FBLN5: variants seen among roughly 807,000 people sequenced by gnomAD.
The protein encoded by FBLN5 is fibulin 5, also known as fibulin-5.
A neutral mutation model predicts 61.6 loss-of-function variants in FBLN5; 24 were observed. The ratio of observed to expected loss-of-function variants is 0.39; its 90% CI spans 0.28 to 0.55. The LOEUF (loss-of-function observed/expected upper bound fraction) is 0.55, where lower values mean the gene tolerates loss of function less well. Ranked by LOEUF, FBLN5 falls within the 20% of genes least tolerant of loss-of-function variation. FBLN5 has a pLI of 0.65. For missense variants in FBLN5, 470 were observed against 594.1 expected (o/e 0.79, Z 2.17); for synonymous variants, 213 against 219.8 (o/e 0.97, Z 0.27).
chr14:91,918,062 G>C (rs1285041395), intron 4 of FBLN5, among the ~76,000 whole-genome samples: 4 of 152,190 alleles, frequency 2.6e-5, no homozygotes, highest in African/African-American at 9.7e-5. Flanking sequence ...CCATGAACCA[G>C]TTGGGAGTGT....
intron 4 of FBLN5, among the ~76,000 whole-genome samples, chr14:91,920,977 G>C (rs1327603961): frequency 6.6e-6 from 1 of 152,250 alleles, no homozygotes; most frequent in Non-Finnish European, 1.5e-5. Flanking sequence ...CCAAAGGCTA[G>C]TAGGCCTGAG....
intron 10 of FBLN5, among the ~76,000 whole-genome samples, chr14:91,872,670 AT>A (rs1355056740): frequency 6.6e-6 from 1 of 152,076 alleles, no homozygotes; most frequent in Non-Finnish European, 1.5e-5. Context: ...CAGCCACACA[AT>A]TTCCTCTTGG....
intron 4 of FBLN5, among the ~76,000 whole-genome samples, chr14:91,921,605 G>A (rs1219312263): frequency 6.6e-6 from 1 of 152,174 alleles, no homozygotes; most frequent in Non-Finnish European, 1.5e-5. Context: ...GTGTTTGAAG[G>A]CCTCCGGTGG....
intron 1 of FBLN5, among the ~76,000 whole-genome samples, chr14:91,945,215 C>T (rs1265983204): frequency 1.4e-5 from 2 of 145,764 alleles, no homozygotes; most frequent in Middle Eastern, 3.5e-3. Context: ...CGGGAGACAG[C>T]GAGACTCCGT....
At chr14:91,871,853 TAA>T (rs111668602) in intron 10 of FBLN5, among the ~76,000 whole-genome samples, 85 of 132,750 alleles carry the variant, frequency 6.4e-4, no homozygotes, top group Non-Finnish European at 7.1e-4. Context: ...AGACTCCAGC[TAA>T]AAAAAAAAAA....
intron 4 of FBLN5, among the ~76,000 whole-genome samples, chr14:91,921,171 A>G (rs1007639224): frequency 2.0e-5 from 3 of 152,226 alleles, no homozygotes; most frequent in Admixed American, 6.5e-5. Flanking sequence ...CCCAAAATTA[A>G]TAATGACCCT....
At chr14:91,928,474 T>TA (rs1003305250) in intron 4 of FBLN5, among the ~76,000 whole-genome samples, 7 of 152,144 alleles carry the variant, frequency 4.6e-5, no homozygotes, top group South Asian at 4.2e-4. Context: ...TCAAAATATT[T>TA]AAAAAACGAA....
chr14:91,902,261 GTT>G (rs1890483542), intron 4 of FBLN5, among the ~76,000 whole-genome samples: 1 of 142,496 alleles, frequency 7.0e-6, no homozygotes, highest in East Asian at 2.1e-4. Context: ...CTAGACATGG[GTT>G]TTTTTGTTTG....
At chr14:91,888,994 T>G (rs1414136167) in intron 6 of FBLN5, among the ~76,000 whole-genome samples, 2 of 152,216 alleles carry the variant, frequency 1.3e-5, no homozygotes, top group Admixed American at 6.5e-5. Flanking sequence ...GCCTTCACGG[T>G]GAGCAGACTG....
chr14:91,937,043 C>G lies in FBLN5; in HGVS notation c.283G>C (p.Ala95Pro), dbSNP rs778325226. 17 of 1,613,840 alleles carry G rather than the reference C, an allele frequency of 1.1e-5. No individual in the cohort carries two copies. In the South Asian group the frequency reaches 1.8e-4, roughly 17 times the overall value. Residue 95 changes from alanine to proline, a missense_variant, in exon 4 of 11, where the codon GCT (alanine) becomes CCT (proline). By Grantham distance (27) the Ala-to-Pro change is conservative (BLOSUM62 -1). Transcript: ENST00000342058. ...TTTGGAGCTGAGAGTGGTGGGGCAG[C>G]TGCTGGGTACGGACCTGAGTAGGGG... ...STPYSGPYPA[A>P]APPLSAPNYP...
intron 5 of FBLN5, among the ~76,000 whole-genome samples, chr14:91,892,295 G>C (rs1890029339): frequency 6.6e-6 from 1 of 152,272 alleles, no homozygotes; most frequent in South Asian, 2.1e-4. Context: ...GTGACCAGTT[G>C]ATCTGACTGT....
intron 4 of FBLN5, among the ~76,000 whole-genome samples, chr14:91,932,746 A>G (rs1031592856): frequency 5.3e-5 from 8 of 152,232 alleles, no homozygotes; most frequent in Non-Finnish European, 1.2e-4. Flanking sequence ...CCCCGGCAAG[A>G]GTGCAATCAG....
At chr14:91,878,217 A>T (rs182066656) in intron 9 of FBLN5, among the ~76,000 whole-genome samples, 1 of 152,338 alleles carries the variant, frequency 6.6e-6, no homozygotes, top group East Asian at 1.9e-4. Flanking sequence ...AAGAGTTAGA[A>T]CTATGTACAA....
intron 4 of FBLN5, among the ~76,000 whole-genome samples, chr14:91,922,758 C>T (rs1190771044): frequency 6.6e-6 from 1 of 152,160 alleles, no homozygotes; most frequent in East Asian, 1.9e-4. Flanking sequence ...TGTTTTGCTC[C>T]AGCTGCTTGC....
At chr14:91,922,782 G>A (rs1180033950) in intron 4 of FBLN5, among the ~76,000 whole-genome samples, 1 of 152,132 alleles carries the variant, frequency 6.6e-6, no homozygotes, top group African/African-American at 2.4e-5. Flanking sequence ...CTTCCCCCAG[G>A]AATTATAAAG....
At chr14:91,874,195 G>A (rs1290391306) in intron 10 of FBLN5, 1 of 152,250 alleles carries the variant, frequency 6.6e-6, no homozygotes, top group Non-Finnish European at 1.5e-5. Context: ...ATCTCAGGGT[G>A]TGAGAGCCTG....
chr14:91,896,029 C>G (rs994859008), intron 4 of FBLN5, among the ~76,000 whole-genome samples: 1 of 152,102 alleles, frequency 6.6e-6, no homozygotes, highest in Non-Finnish European at 1.5e-5. Context: ...GCATCCACCT[C>G]GGTCCCTTCT....
chr14:91,923,176 C>T (rs1028053960), intron 4 of FBLN5, among the ~76,000 whole-genome samples: 1 of 152,172 alleles, frequency 6.6e-6, no homozygotes, highest in Non-Finnish European at 1.5e-5. Flanking sequence ...ACTGAAGCCC[C>T]AGAAAGAGAA....
Position 91,947,261 on chromosome 14 carries a change from C to A in FBLN5, c.-32G>T. Reference sequence around the variant, plus strand: ...GACGCGCGAGGAGGAGATGCGAAGGCGAGAAGAAAGCTCGCGGGCGGGACC... The same window carrying A: ...GACGCGCGAGGAGGAGATGCGAAGGAGAGAAGAAAGCTCGCGGGCGGGACC... On this transcript the variant is annotated 5_prime_UTR_variant, in exon 1 of 11. Coordinates refer to ENST00000342058, the MANE Select transcript of FBLN5 (RefSeq NM_006329.4). The surrounding 1 kb of genome is among the most constrained non-coding windows in gnomAD (Gnocchi z 4.3). 1 of 1,614,056 alleles carries A rather than the reference C, an allele frequency of 6.2e-7. No individual in the cohort carries two copies. The highest frequency in any genetic ancestry group is 8.5e-7 in the Non-Finnish European group (1 of 1,179,994).
Sources: gnomAD v4.1 joint callset for allele counts (sites outside exome capture counted in the v4.1 genomes callset) on GRCh38, gnomAD v4.1.1 for gene constraint, Gnocchi (gnomAD v3.1) non-coding constraint, MANE v1.5 for transcripts, NCBI Gene and HGNC (gene_info 2026-07-23, HGNC 2026-07-21) for gene names.